PDE1A: variants seen among roughly 807,000 people sequenced by gnomAD.
PDE1A encodes dual specificity calcium/calmodulin-dependent 3',5'-cyclic nucleotide phosphodiesterase 1A.
In PDE1A, 35 loss-of-function variants were observed where a neutral mutation model predicts 61.7. The observed-to-expected ratio is 0.57, with a 90% CI of 0.43 to 0.75. PDE1A has a LOEUF of 0.75. Among genes scored for constraint, PDE1A ranks in the 30% least tolerant of loss-of-function variants. The pLI, the probability that PDE1A is intolerant of heterozygous loss-of-function variation, is 0.00. For synonymous variants in PDE1A, 232 were observed against 213.2 expected, an observed-to-expected ratio of 1.09 and a Z score of -0.77; for missense variants, 597 against 630.6, an observed-to-expected ratio of 0.95 and a Z score of 0.57.
chr2:182,642,241 G>A, the PDE1A span, among the ~76,000 whole-genome samples: 2 of 152,138 alleles, frequency 1.3e-5, no homozygotes, highest in African/African-American at 4.8e-5. Flanking sequence ...GTATAAGCCA[G>A]AACATTTTCA....
intron 10 of PDE1A, among the ~76,000 whole-genome samples, chr2:182,200,770 C>G (rs1338269127): frequency 6.6e-6 from 1 of 152,164 alleles, no homozygotes; most frequent in Non-Finnish European, 1.5e-5. Flanking sequence ...CAGCTGGCAT[C>G]TGAAGTAGAG....
At chr2:182,651,015 G>T in the PDE1A span, among the ~76,000 whole-genome samples, 1 of 151,942 alleles carries the variant, frequency 6.6e-6, no homozygotes, top group Non-Finnish European at 1.5e-5. Flanking sequence ...GTTTTGTTTT[G>T]TTTTTTTCCA....
At chr2:182,456,143 T>G (rs1398921945) in intron 2 of PDE1A, among the ~76,000 whole-genome samples, 1 of 152,066 alleles carries the variant, frequency 6.6e-6, no homozygotes, top group Non-Finnish European at 1.5e-5. Flanking sequence ...CTAGCTCTAA[T>G]CGGGTTCTCT....
the PDE1A span, among the ~76,000 whole-genome samples, chr2:182,663,305 C>A: frequency 6.6e-6 from 1 of 152,002 alleles, no homozygotes; most frequent in Non-Finnish European, 1.5e-5. Flanking sequence ...CCATTCAAGC[C>A]AGCAATTCCA....
exon 15 of PDE1A, chr2:182,140,749 A>T (rs1047332921): frequency 6.6e-6 from 1 of 152,214 alleles, no homozygotes; most frequent in Non-Finnish European, 1.5e-5. Flanking sequence ...GCAGAAAGAC[A>T]TGCACAGATA....
At chr2:182,663,685 G>T in the PDE1A span, among the ~76,000 whole-genome samples, 1 of 152,084 alleles carries the variant, frequency 6.6e-6, no homozygotes, top group East Asian at 1.9e-4. Flanking sequence ...AGAGGAAAGT[G>T]GGAGGAGGGA....
intron 2 of PDE1A, among the ~76,000 whole-genome samples, chr2:182,519,444 T>G (rs761220726): frequency 1.3e-5 from 2 of 151,930 alleles, no homozygotes; most frequent in Non-Finnish European, 2.9e-5. Flanking sequence ...GATTGTAATA[T>G]AAGAAGAAAA....
At chr2:182,716,490 A>C in the PDE1A span, 1 of 152,470 alleles carries the variant, frequency 6.6e-6, no homozygotes, top group Non-Finnish European at 1.5e-5. Context: ...CAAGGTGGGC[A>C]TGGGCCCGGG....
At chr2:182,676,010 C>A in the PDE1A span, among the ~76,000 whole-genome samples, 1 of 152,040 alleles carries the variant, frequency 6.6e-6, no homozygotes, top group Admixed American at 6.6e-5. Flanking sequence ...TGGCATCTTT[C>A]TCATGAAATC....
chr2:182,236,977 G>A (rs934092123), intron 3 of PDE1A, among the ~76,000 whole-genome samples: 1 of 152,112 alleles, frequency 6.6e-6, no homozygotes, highest in Non-Finnish European at 1.5e-5. Context: ...CACTAAGATG[G>A]AAAATTAAGG....
chr2:182,383,246 G>T (rs1173687275), intron 1 of PDE1A, among the ~76,000 whole-genome samples: 1 of 152,128 alleles, frequency 6.6e-6, no homozygotes, highest in African/African-American at 2.4e-5. Flanking sequence ...TGAAGTTCTT[G>T]CAACCTTCTC....
At chr2:182,531,088 G>A in the PDE1A span, among the ~76,000 whole-genome samples, 109,079 of 151,590 alleles carry the variant, frequency 0.72, 41,893 homozygotes, top group East Asian at 0.99. Flanking sequence ...TGCATAGATA[G>A]TGATATCAAA....
intron 1 of PDE1A, among the ~76,000 whole-genome samples, chr2:182,385,133 C>G (rs1347476696): frequency 9.2e-5 from 14 of 152,184 alleles, no homozygotes; most frequent in Admixed American, 9.2e-4. Context: ...GGGAATCCAT[C>G]TCCACCAGGC....
At chr2:182,626,768 T>C in the PDE1A span, among the ~76,000 whole-genome samples, 3 of 3,152 alleles carry the variant, frequency 9.5e-4, no homozygotes, top group African/African-American at 1.9e-3. Flanking sequence ...TATACATATA[T>C]ATACATATAT....
At chr2:182,694,968 CAT>C in the PDE1A span, among the ~76,000 whole-genome samples, 2 of 151,238 alleles carry the variant, frequency 1.3e-5, no homozygotes, top group Non-Finnish European at 2.9e-5. Flanking sequence ...TGGGAAGTAA[CAT>C]ATTATTTTAT....
chr2:182,184,276 C>G lies in PDE1A; in HGVS notation c.1516+1616G>C, dbSNP rs1004306593. On this transcript the variant is annotated intron_variant, in intron 13 of 13. Transcript: ENST00000351439. ...GTAGAATACTGAAAAAAAAAAAGACCTAGATATATCATCATCAAATTGCTG... is the reference window on the plus strand; with the variant it reads ...GTAGAATACTGAAAAAAAAAAAGACGTAGATATATCATCATCAAATTGCTG... Among the ~76,000 whole-genome samples, 8 of 150,868 alleles carry G rather than the reference C, an allele frequency of 5.3e-5. No individual in the cohort carries two copies. In the South Asian group the frequency reaches 1.7e-3, roughly 32 times the overall value.
chr2:182,351,025 T>A (rs924380663), intron 1 of PDE1A, among the ~76,000 whole-genome samples: 1 of 152,246 alleles, frequency 6.6e-6, no homozygotes, highest in Non-Finnish European at 1.5e-5. Context: ...TGGTAAAAGA[T>A]GTTTTTGCTT....
chr2:182,364,466 T>TAAGAAAAA (rs1699700370), intron 1 of PDE1A, among the ~76,000 whole-genome samples: 1 of 35,840 alleles, frequency 2.8e-5, no homozygotes, highest in Non-Finnish European at 5.1e-5. Context: ...AACACTTTGG[T>TAAGAAAAA]AAAAAAAAAA....
At chr2:182,195,712 A>T (rs1686080469) in intron 10 of PDE1A, among the ~76,000 whole-genome samples, 1 of 152,070 alleles carries the variant, frequency 6.6e-6, no homozygotes, top group East Asian at 1.9e-4. Context: ...ATTGCTTTGT[A>T]AAAGTGCTGT....
Sources: allele counts gnomAD v4.1 joint callset (sites outside exome capture counted in the v4.1 genomes callset), GRCh38; gene constraint gnomAD v4.1.1; transcripts MANE v1.5; gene names NCBI Gene and HGNC (gene_info 2026-07-23, HGNC 2026-07-21).